Variants in PTX4 observed in about 807,000 individuals in gnomAD.
PTX4 encodes pentraxin 4.
Under a neutral mutation model 19.1 loss-of-function variants are expected in PTX4, and 23 were observed. The observed-to-expected ratio is 1.20, with a 90% CI of 0.87 to 1.70. The LOEUF is 1.70. Ranked by LOEUF, PTX4 falls within the 40% of genes most tolerant of loss-of-function variation. PTX4 has a pLI of 0.00. For synonymous variants in PTX4, 317 were observed against 279.6 expected (o/e 1.13, Z -1.33); for missense variants, 678 against 610.5 (o/e 1.11, Z -1.17).
rs1217053322 is a variant in PTX4, at chr16:1,486,450, C to T, written c.926G>A (p.Arg309His). ...FCSWVRTASGRLGTLLSYATE... is the reference protein window; with the variant it reads ...FCSWVRTASGHLGTLLSYATE... ...GGCGTAGGACAGGAGGGTGCCCAGG[C>T]GGCCGGAGGCCGTGCGGACCCAGCT... The change falls in exon 3 of 3, where the codon CGC (arginine) becomes CAC (histidine). Residue 309 changes from arginine to histidine, a missense_variant. By Grantham distance (29) the Arg-to-His change is conservative. Coordinates refer to ENST00000447419, the MANE Select transcript of PTX4 (RefSeq NM_001328608.2). The T allele has an allele frequency of 1.1e-5, 17 of 1,613,488 alleles. No individual in the cohort carries two copies. The highest frequency in any genetic ancestry group is 1.4e-5 in the Non-Finnish European group (16 of 1,179,866).
chr16:1,486,529 C>G lies in PTX4; in HGVS notation c.847G>C (p.Val283Leu), dbSNP rs369472781. The change falls in exon 3 of 3, where the codon GTG (valine) becomes CTG (leucine). Residue 283 changes from valine (V) to leucine (L), a missense_variant. Physicochemically the swap from Val to Leu is conservative, Grantham distance 32. Transcript: ENST00000447419. ...LVFPNASTRN[V>L]VFLSPGFVTA... is the part of the protein sequence containing the mutation. ...ACGAAACCAGGGCTGAGGAAGACCA[C>G]GTTCCTGGTGGAGGCGTTTGGGAAA... 2 of 1,580,454 alleles carry G rather than the reference C, an allele frequency of 1.3e-6. No homozygotes were observed. The highest frequency in any genetic ancestry group is 1.4e-5 in the African/African-American group (1 of 73,300).
At chr16:1,488,358 A>G (rs757882025) in intron 1 of PTX4, 1 of 1,613,716 alleles carries the variant, frequency 6.2e-7, no homozygotes. Flanking sequence ...CAGGCCCGAC[A>G]GGCCCACAGC....
rs1419809295 is a variant in PTX4 at position 1,487,489 on chromosome 16, C to G, written c.623G>C (p.Arg208Thr). The G allele has an allele frequency of 6.6e-7, 1 of 1,509,722 alleles. No individual in the cohort carries two copies. The highest frequency in any genetic ancestry group is 2.3e-5 in the Admixed American group (1 of 44,120). The allele number at this position is 1,509,722 out of a possible 1,614,324, so 93.5% of individuals were successfully genotyped here. ...ELGPTSLKLQ[R>T]DRQELRAASE... ...GGCAGCTCGGAGCTCCTGCCTGTCC[C>G]TCTGAAGCTTCAGGGAGGTCGGGCC... Residue 208 changes from arginine (R) to threonine (T), a missense_variant, in exon 2 of 3, where the codon AGG (arginine) becomes ACG (threonine). By Grantham distance (71) the Arg-to-Thr change is moderately conservative. Transcript: ENST00000447419.
chr16:1,487,385 G>T lies in PTX4; in HGVS notation c.727C>A (p.Arg243=), dbSNP rs756827477. The T allele has an allele frequency of 6.4e-7, 1 of 1,550,784 alleles. No individual in the cohort carries two copies. The highest frequency in any genetic ancestry group is 1.2e-5 in the South Asian group (1 of 80,124). The part of the protein sequence containing the change: ...RREPPASGSH[R]VLSGTAPKDP... ...TTTGGGGCAGTCCCACTGAGTACCC[G>T]ATGGCTGCCTGAGGCTGGAGGCTCC... The change falls in exon 2 of 3, where the codon CGG becomes AGG. Residue 243 remains arginine (R), a synonymous_variant. Coordinates refer to ENST00000447419, the MANE Select transcript of PTX4 (RefSeq NM_001328608.2).
Position 1,486,175 on chromosome 16 carries a change from G to C in PTX4, c.1201C>G (p.Leu401Val). 1 of 1,613,982 alleles carries C rather than the reference G, an allele frequency of 6.2e-7. No homozygotes were observed. Among genetic ancestry groups the C allele is most frequent in the Non-Finnish European group, 8.5e-7 (1 of 1,179,974 alleles). The change falls in exon 3 of 3, where the codon CTC (leucine) becomes GTC (valine). Residue 401 changes from leucine to valine, a missense_variant. Physicochemically the swap from Leu to Val is conservative, Grantham distance 32. Coordinates refer to ENST00000447419, the MANE Select transcript of PTX4 (RefSeq NM_001328608.2). ...EGYEIPPGGSLVLGQEQDSVG... is the reference protein window; with the variant it reads ...EGYEIPPGGSVVLGQEQDSVG... ...CTGTCTTGTTCCTGGCCCAGCACGAGGGACCCTCCGGGGGGGATCTCATAG... is the reference window on the plus strand; with the variant it reads ...CTGTCTTGTTCCTGGCCCAGCACGACGGACCCTCCGGGGGGGATCTCATAG...
chr16:1,487,878 G>T lies in PTX4; in HGVS notation c.234C>A (p.Ser78Arg), dbSNP rs764025394. The T allele has an allele frequency of 6.2e-7, 1 of 1,613,002 alleles. No individual in the cohort carries two copies. Among genetic ancestry groups the T allele is most frequent in the Admixed American group, 1.7e-5 (1 of 60,024 alleles). ...VSYNVDVRFR[S>R]LAEESQAVAQ... Reference sequence around the variant, plus strand: ...CCACAGCCTGGCTCTCTTCCGCCAGGCTCCGGAACCGGACGTCAACGTTGT... The same window carrying T: ...CCACAGCCTGGCTCTCTTCCGCCAGTCTCCGGAACCGGACGTCAACGTTGT... Residue 78 changes from serine (S) to arginine (R), a missense_variant, in exon 2 of 3, where the codon AGC (serine) becomes AGA (arginine). Ser to Arg is a moderately radical substitution (Grantham distance 110, BLOSUM62 -1). Transcript: ENST00000447419.
Position 1,488,774 on chromosome 16 carries a change from C to T in PTX4, c.136G>A (p.Glu46Lys). 1.4e-6 allele frequency: 1 copy of T among 697,862 alleles called. No individual in the cohort carries two copies. The highest frequency in any genetic ancestry group is 2.6e-6 in the Non-Finnish European group (1 of 382,478). 43.2% of individuals were successfully genotyped at this position (697,862 alleles called of 1,614,324 possible). ...PFFERLRRLE[E>K]QFRRFQEVTW... ...ATGTCAGGGGTATAACTTGCCTGTTCCTCCAGCCTACGGAGCCTCTCGAAA... is the reference window on the plus strand; with the variant it reads ...ATGTCAGGGGTATAACTTGCCTGTTTCTCCAGCCTACGGAGCCTCTCGAAA... The change falls in exon 1 of 3, where the codon GAA becomes AAA. Residue 46 changes from glutamate to lysine, a missense_variant. Glu to Lys is a moderately conservative substitution (Grantham distance 56, BLOSUM62 1). Coordinates refer to ENST00000447419, the MANE Select transcript of PTX4 (RefSeq NM_001328608.2).
At chr16:1,488,669 C>G in intron 1 of PTX4, 100 bp downstream of exon 1, 1 of 626,274 alleles carries the variant, frequency 1.6e-6, no homozygotes, top group Non-Finnish European at 2.9e-6. Flanking sequence ...TGTTCGTGTC[C>G]GCCAAGCCCT....
chr16:1,487,458 C>A lies in PTX4; in HGVS notation c.654G>T (p.Glu218Asp). 6.6e-7 allele frequency: 1 copy of A among 1,510,924 alleles called. No individual in the cohort carries two copies. The highest frequency in any genetic ancestry group is 1.3e-5 in the South Asian group (1 of 74,742). 93.6% of individuals were successfully genotyped at this position (1,510,924 alleles called of 1,614,324 possible). A position where few individuals can be genotyped will look rare whatever the true frequency, so the allele number is the denominator to read the frequency against. ...RDRQELRAAS[E>D]HRGPPQDSSA... ...AGGAGTCCTGTGGGGGGCCCCTGTG[C>A]TCAGAGGCAGCTCGGAGCTCCTGCC... The change falls in exon 2 of 3, where the codon GAG becomes GAT. Residue 218 changes from glutamate to aspartate, a missense_variant. By Grantham distance (45) the Glu-to-Asp change is conservative. Transcript: ENST00000447419.
Position 1,486,349 on chromosome 16 carries a change from C to T in PTX4, c.1027G>A (p.Gly343Arg), listed in dbSNP as rs752354802. 58 of 1,613,780 alleles carry T rather than the reference C, an allele frequency of 3.6e-5. 1 individual carries two copies. The Admixed American group carries it at 3.8e-4, about 11-fold the overall frequency. ...LLPGSIHFVI[G>R]DPAFRELPLQ... Reference sequence around the variant, plus strand: ...GGCAGCTCCCTGAAGGCCGGGTCCCCGATCACGAAGTGGATGGATCCGGGC... The same window carrying T: ...GGCAGCTCCCTGAAGGCCGGGTCCCTGATCACGAAGTGGATGGATCCGGGC... Residue 343 changes from glycine to arginine, a missense_variant, in exon 3 of 3, where the codon GGG becomes AGG. Gly to Arg is a moderately radical substitution (Grantham distance 125). Transcript: ENST00000447419.
At chr16:1,488,296 G>A (rs757969342) in intron 1 of PTX4, 8 of 1,595,926 alleles carry the variant, frequency 5.0e-6, no homozygotes, top group Non-Finnish European at 6.9e-6. Flanking sequence ...GCAGGGGACG[G>A]CAGGGTGGCC....
chr16:1,488,556 T>C, intron 1 of PTX4: 1 of 1,178,116 alleles, frequency 8.5e-7, no homozygotes, highest in Non-Finnish European at 1.2e-6. Context: ...CCCCACATGT[T>C]ATGAGGCTTG....
chr16:1,487,811 G>T lies in PTX4; in HGVS notation c.301C>A (p.Leu101Met). The T allele has an allele frequency of 1.9e-6, 3 of 1,613,030 alleles. No homozygotes were observed. The highest frequency in any genetic ancestry group is 2.5e-6 in the Non-Finnish European group (3 of 1,179,878). The change falls in exon 2 of 3, where the codon CTG (leucine) becomes ATG (methionine). Residue 101 changes from leucine to methionine, a missense_variant. Leu to Met is a conservative substitution (Grantham distance 15, BLOSUM62 2). Transcript: ENST00000447419. ...NRSQASVQGE[L>M]AQLKAWVRKL... ...CTCACCCAGGCCTTGAGCTGCGCCA[G>T]CTCCCCCTGCACCGAGGCCTGTGAC...
Position 1,487,926 on chromosome 16 carries a change from G to A in PTX4, c.186C>T (p.Ile62=), listed in dbSNP as rs767203519. ...QEVTWTHLQN[I]ASNYNVSYNV... is the part of the protein sequence containing the mutation. Reference sequence around the variant, plus strand: ...TGTAGGACACGTTGTAGTTGCTGGCGATGTTCTGCAGGTGTGTCCAGGTCA... The same window carrying A: ...TGTAGGACACGTTGTAGTTGCTGGCAATGTTCTGCAGGTGTGTCCAGGTCA... Residue 62 remains isoleucine (I), a synonymous_variant, in exon 2 of 3, where the codon ATC becomes ATT. Coordinates refer to ENST00000447419, the MANE Select transcript of PTX4 (RefSeq NM_001328608.2). 3.7e-6 allele frequency: 6 copies of A among 1,607,460 alleles called. No individual in the cohort carries two copies. Among genetic ancestry groups the A allele is most frequent in the Non-Finnish European group, 4.3e-6 (5 of 1,176,170 alleles).
chr16:1,486,530 G>A lies in PTX4; in HGVS notation c.846C>T (p.Asn282=), dbSNP rs1413742520. 3.8e-6 allele frequency: 6 copies of A among 1,579,104 alleles called. No individual in the cohort carries two copies. Among genetic ancestry groups the A allele is most frequent in the African/African-American group, 2.7e-5 (2 of 73,392 alleles). Residue 282 remains asparagine (N), a synonymous_variant, in exon 3 of 3, where the codon AAC becomes AAT. Coordinates refer to ENST00000447419, the MANE Select transcript of PTX4 (RefSeq NM_001328608.2). ...TLVFPNASTR[N]VVFLSPGFVT... is the part of the protein sequence containing the mutation. Reference sequence around the variant, plus strand: ...CGAAACCAGGGCTGAGGAAGACCACGTTCCTGGTGGAGGCGTTTGGGAAAA... The same window carrying A: ...CGAAACCAGGGCTGAGGAAGACCACATTCCTGGTGGAGGCGTTTGGGAAAA...
chr16:1,488,076 GC>G, intron 1 of PTX4, 106 bp from the exon 2 acceptor site: 1 of 1,201,920 alleles, frequency 8.3e-7, no homozygotes, highest in Non-Finnish European at 1.2e-6. Flanking sequence ...GCGTGCCCGG[GC>G]CACGGCCAGC....
At position 1,487,215 on chromosome 16, in the gene PTX4, C is replaced by T. The variant is rs1307693588; in HGVS notation, c.796+101G>A. The T allele has an allele frequency of 5.1e-6, 6 of 1,180,938 alleles. No individual in the cohort carries two copies. In the Admixed American group the frequency reaches 1.5e-4, roughly 29 times the overall value. 73.2% of individuals were successfully genotyped at this position (1,180,938 alleles called of 1,614,324 possible). The stretch of plus-strand genomic sequence containing the variant: ...CCGAGACCCTCTCCCCATCTCCCGG[C>T]CCCTAACTGAACCTCTTTTGAGAAG... On this transcript the variant is annotated intron_variant, in intron 2 of 2. Coordinates refer to ENST00000447419, the MANE Select transcript of PTX4 (RefSeq NM_001328608.2).
At position 1,486,168 on chromosome 16, in the gene PTX4, A is replaced by G; in HGVS notation, c.1208T>C (p.Leu403Pro). 6.2e-7 allele frequency: 1 copy of G among 1,614,082 alleles called. No homozygotes were observed. The highest frequency in any genetic ancestry group is 8.5e-7 in the Non-Finnish European group (1 of 1,180,004). The change falls in exon 3 of 3, where the codon CTG becomes CCG. Residue 403 changes from leucine to proline, a missense_variant. Leu to Pro is a moderately conservative substitution (Grantham distance 98). Transcript: ENST00000447419. ...CCCCACGCTGTCTTGTTCCTGGCCC[A>G]GCACGAGGGACCCTCCGGGGGGGAT... ...YEIPPGGSLV[L>P]GQEQDSVGGG... is the part of the protein sequence containing the mutation.
In PTX4 at chr16:1,487,443, T is replaced by TC. The variant is rs777805397; in HGVS notation, c.668_669insG (p.Gln224ThrfsTer99). 2.4e-5 allele frequency: 36 copies of TC among 1,516,154 alleles called. No homozygotes were observed. In the South Asian group the frequency reaches 4.5e-4, roughly 19 times the overall value. The allele number at this position is 1,516,154 out of a possible 1,614,324, so 93.9% of individuals were successfully genotyped here. A position where few individuals can be genotyped will look rare whatever the true frequency, so the allele number is the denominator to read the frequency against. On this transcript the variant is annotated frameshift_variant, in exon 2 of 3. Transcript: ENST00000447419. LOFTEE classifies it high-confidence loss of function. ...CTTGGAGAGGGGCCGAGGAGTCCTGTGGGGGGCCCCTGTGCTCAGAGGCAG... is the reference window on the plus strand; with the variant it reads ...CTTGGAGAGGGGCCGAGGAGTCCTGTCGGGGGGCCCCTGTGCTCAGAGGCAG...
Sources: gnomAD v4.1 joint callset for allele counts on GRCh38, gnomAD v4.1.1 for gene constraint, MANE v1.5 for transcripts, NCBI Gene and HGNC (gene_info 2026-07-23, HGNC 2026-07-21) for gene names.